The following SLIT2 variants were observed in gnomAD, a reference collection of about 807,000 sequenced individuals.
SLIT2 encodes the protein slit homolog 2 protein.
Under a neutral mutation model 185.7 loss-of-function variants are expected in SLIT2, and 41 were observed. The ratio of observed to expected loss-of-function variants is 0.22; its 90% CI spans 0.17 to 0.29. SLIT2 has a LOEUF of 0.29. SLIT2 is among the 10% of genes least tolerant of loss of function. The pLI, the probability that SLIT2 is intolerant of heterozygous loss-of-function variation, is 1.00. For synonymous variants in SLIT2, 693 were observed against 680.2 expected (o/e 1.02, Z -0.29); for missense variants, 1,571 against 1,909.0 (o/e 0.82, Z 3.30).
At chr4:20,293,150 A>G (rs1427177283) in intron 4 of SLIT2, among the ~76,000 whole-genome samples, 1 of 152,222 alleles carries the variant, frequency 6.6e-6, no homozygotes, top group Non-Finnish European at 1.5e-5. Flanking sequence ...ATAAGTTTGC[A>G]GTATTAGGTT....
intron 29 of SLIT2, among the ~76,000 whole-genome samples, chr4:20,571,983 A>G (rs749322393): frequency 3.3e-5 from 5 of 152,224 alleles, no homozygotes; most frequent in Non-Finnish European, 5.9e-5. Flanking sequence ...TGTGATGAAC[A>G]GACTACAAAA....
rs202173983 is a variant in SLIT2 at position 20,463,513 on chromosome 4, A to ATGTGTG, written c.396-4238_396-4237insGTGTGT. 3.6e-3 allele frequency among the ~76,000 whole-genome samples: 358 copies of ATGTGTG among 99,586 alleles called. 5 individuals are homozygous for ATGTGTG. The highest frequency in any genetic ancestry group is 0.011 in the African/African-American group (295 of 27,352). 65.3% of individuals were successfully genotyped at this position (99,586 alleles called of 152,430 possible). A position where few individuals can be genotyped will look rare whatever the true frequency, so the allele number is the denominator to read the frequency against. On this transcript the variant is annotated intron_variant, in intron 4 of 36. Coordinates refer to ENST00000504154, the MANE Select transcript of SLIT2 (RefSeq NM_004787.4). ...TATATGTGTGTGTGCGTATATCCAT[A>ATGTGTG]TATGTGTGTGTGTGTGTGTGTGTGT...
chr4:20,346,138 A>G (rs1254422615), intron 4 of SLIT2, among the ~76,000 whole-genome samples: 1 of 152,088 alleles, frequency 6.6e-6, no homozygotes, highest in African/African-American at 2.4e-5. Context: ...AACGACAAGC[A>G]CGCACCACTA....
intron 12 of SLIT2, among the ~76,000 whole-genome samples, chr4:20,521,114 C>G (rs1388375796): frequency 6.6e-6 from 1 of 152,174 alleles, no homozygotes. Context: ...CTATCACTGC[C>G]CTATCTACTA....
At chr4:20,595,594 A>C in intron 30 of SLIT2, 103 bp from the exon 31 acceptor site, 1 of 1,435,546 alleles carries the variant, frequency 7.0e-7, no homozygotes, top group Non-Finnish European at 9.6e-7. Flanking sequence ...AGCCTATTCT[A>C]AATAAGTATT....
chr4:20,492,846 T>A (rs1263415268), intron 9 of SLIT2, among the ~76,000 whole-genome samples: 2 of 152,214 alleles, frequency 1.3e-5, no homozygotes, highest in Non-Finnish European at 2.9e-5. Context: ...GTACCTTATA[T>A]GAGAATAATT....
At chr4:20,258,009 T>C in intron 3 of SLIT2, 70 bp downstream of exon 3, 4 of 771,050 alleles carry the variant, frequency 5.2e-6, no homozygotes, top group Non-Finnish European at 8.8e-6. Context: ...ATTTCAAGCA[T>C]CATGTCTTCA....
chr4:20,327,590 G>T (rs1719704733), intron 4 of SLIT2, among the ~76,000 whole-genome samples: 1 of 151,954 alleles, frequency 6.6e-6, no homozygotes, highest in Non-Finnish European at 1.5e-5. Flanking sequence ...TATAGGCAAA[G>T]ACTTGCTAAA....
intron 3 of SLIT2, among the ~76,000 whole-genome samples, chr4:20,261,415 A>T (rs1712458253): frequency 6.6e-6 from 1 of 151,850 alleles, no homozygotes; most frequent in South Asian, 2.1e-4. Flanking sequence ...CAAAATTATT[A>T]ATTTGAGTTT....
At chr4:20,391,850 A>C (rs1197830370) in intron 4 of SLIT2, among the ~76,000 whole-genome samples, 2 of 152,086 alleles carry the variant, frequency 1.3e-5, no homozygotes, top group Non-Finnish European at 2.9e-5. Context: ...TTCTTTTGAA[A>C]AAAAGTCCTC....
chr4:20,609,733 T>C (rs1578018804), intron 33 of SLIT2, among the ~76,000 whole-genome samples: 1 of 152,214 alleles, frequency 6.6e-6, no homozygotes, highest in Admixed American at 6.5e-5. Flanking sequence ...TTGTTACATA[T>C]TGAGAGAATG....
Position 20,484,199 on chromosome 4 carries a change from A to G in SLIT2, c.540-2001A>G, listed in dbSNP as rs1716981691. 6.6e-6 allele frequency among the ~76,000 whole-genome samples: 1 copy of G among 152,122 alleles called. No homozygotes were observed. Among genetic ancestry groups the G allele is most frequent in the Admixed American group, 6.6e-5 (1 of 15,246 alleles). On this transcript the variant is annotated intron_variant, in intron 6 of 36. Coordinates refer to ENST00000504154, the MANE Select transcript of SLIT2 (RefSeq NM_004787.4). This position sits in a 1 kb window ranked among gnomAD's most constrained non-coding sequence, Gnocchi z 4.3. ...TAAAACAATTTATTCCCAAAGTCAT[A>G]TTTCAGAATGCTATATACTATAAAG...
chr4:20,617,775 G>C (rs1729797793), intron 36 of SLIT2, 125 bp downstream of exon 36: 1 of 654,312 alleles, frequency 1.5e-6, no homozygotes, highest in East Asian at 2.7e-5. Context: ...CAGAGAGAGG[G>C]GAGTGACAGG....
At chr4:20,516,453 T>C (rs1720228089) in intron 11 of SLIT2, among the ~76,000 whole-genome samples, 1 of 152,232 alleles carries the variant, frequency 6.6e-6, no homozygotes, top group African/African-American at 2.4e-5. Context: ...TTGGATGATA[T>C]TATCCACATC....
intron 4 of SLIT2, among the ~76,000 whole-genome samples, chr4:20,352,862 G>A (rs1365542520): frequency 3.9e-5 from 6 of 152,168 alleles, no homozygotes; most frequent in African/African-American, 7.2e-5. Flanking sequence ...GCCATGAGCC[G>A]AGAGTGCGTC....
chr4:20,355,372 G>C (rs1722234915), intron 4 of SLIT2, among the ~76,000 whole-genome samples: 1 of 152,126 alleles, frequency 6.6e-6, no homozygotes, highest in South Asian at 2.1e-4. Flanking sequence ...TTCTGACTTT[G>C]CTAGAGCATG....
At chr4:20,472,191 G>A (rs1715109899) in intron 5 of SLIT2, among the ~76,000 whole-genome samples, 1 of 135,386 alleles carries the variant, frequency 7.4e-6, no homozygotes, top group Non-Finnish European at 1.6e-5. Flanking sequence ...CAATATTTAG[G>A]AAAAATTGCT....
intron 4 of SLIT2, among the ~76,000 whole-genome samples, chr4:20,329,014 C>T (rs1290222482): frequency 1.3e-5 from 2 of 151,912 alleles, no homozygotes; most frequent in Non-Finnish European, 2.9e-5. Flanking sequence ...GTTATGGAAG[C>T]TGGAGAATAG....
intron 4 of SLIT2, among the ~76,000 whole-genome samples, chr4:20,320,792 C>G (rs1719014198): frequency 6.6e-6 from 1 of 152,144 alleles, no homozygotes; most frequent in Non-Finnish European, 1.5e-5. Flanking sequence ...CTATCTCAAG[C>G]TTTACGCCTT....
Sources: gnomAD v4.1 joint callset for allele counts (sites outside exome capture counted in the v4.1 genomes callset) on GRCh38, gnomAD v4.1.1 for gene constraint, Gnocchi (gnomAD v3.1) non-coding constraint, MANE v1.5 for transcripts, NCBI Gene and HGNC (gene_info 2026-07-23, HGNC 2026-07-21) for gene names.